Variants in SPMIP2 observed in about 807,000 individuals in gnomAD.
The protein encoded by SPMIP2 is sperm microtubule inner protein 2.
At chr4:159,082,449 C>CTCTGTG in the SPMIP2 span, among the ~76,000 whole-genome samples, 1,858 of 111,580 alleles carry the variant, frequency 0.017, 15 homozygotes, top group South Asian at 0.022. Context: ...CCACTTTTCT[C>CTCTGTG]TGTGTGTGTG....
At chr4:158,931,062 C>T in the SPMIP2 span, among the ~76,000 whole-genome samples, 93,727 of 151,886 alleles carry the variant, frequency 0.62, 29,906 homozygotes, top group East Asian at 0.88. Context: ...TGTTGGCACA[C>T]TTGATGGTGT....
chr4:159,058,116 C>A, the SPMIP2 span, among the ~76,000 whole-genome samples: 4 of 142,538 alleles, frequency 2.8e-5, no homozygotes, highest in East Asian at 8.2e-4. Context: ...GTGTAGATCT[C>A]CTAAAATGCT....
chr4:158,900,602 GTCTC>G, the SPMIP2 span, among the ~76,000 whole-genome samples: 1 of 152,100 alleles, frequency 6.6e-6, no homozygotes, highest in African/African-American at 2.4e-5. Flanking sequence ...GCCCTTCTTT[GTCTC>G]TTTGATCTTT....
chr4:158,895,962 C>A, the SPMIP2 span: 1 of 819,064 alleles, frequency 1.2e-6, no homozygotes, highest in Non-Finnish European at 2.0e-6. Context: ...AAACCTCAGG[C>A]CCTGGTAACC....
chr4:159,064,591 C>T, the SPMIP2 span, among the ~76,000 whole-genome samples: 7 of 152,094 alleles, frequency 4.6e-5, no homozygotes, highest in Non-Finnish European at 1.0e-4. Flanking sequence ...AAAGCATCAC[C>T]GTATTTCATG....
At chr4:158,896,819 A>T in the SPMIP2 span, among the ~76,000 whole-genome samples, 1 of 146,532 alleles carries the variant, frequency 6.8e-6, no homozygotes, top group Admixed American at 6.8e-5. Flanking sequence ...TACCAGCCTC[A>T]TACTTCAATC....
the SPMIP2 span, among the ~76,000 whole-genome samples, chr4:158,909,755 A>AT: frequency 6.6e-6 from 1 of 151,860 alleles, no homozygotes; most frequent in South Asian, 2.1e-4. Flanking sequence ...TTTAAAAAAA[A>AT]TTTGGGGCTG....
chr4:159,027,869 G>A, the SPMIP2 span, among the ~76,000 whole-genome samples: 2 of 152,004 alleles, frequency 1.3e-5, no homozygotes, highest in African/African-American at 2.4e-5. Flanking sequence ...TCATCATATC[G>A]TTTTTTGGCC....
chr4:159,066,280 T>C, the SPMIP2 span, among the ~76,000 whole-genome samples: 1 of 151,964 alleles, frequency 6.6e-6, no homozygotes, highest in Admixed American at 6.6e-5. Context: ...GGGACAAAAA[T>C]GAAGAGTGGT....
chr4:158,987,388 T>G, the SPMIP2 span, among the ~76,000 whole-genome samples: 3 of 151,964 alleles, frequency 2.0e-5, no homozygotes, highest in African/African-American at 7.3e-5. Context: ...AACCCAAATG[T>G]CCAACAATGA....
At chr4:158,976,334 G>T in the SPMIP2 span, among the ~76,000 whole-genome samples, 1 of 152,196 alleles carries the variant, frequency 6.6e-6, no homozygotes, top group African/African-American at 2.4e-5. Flanking sequence ...TTGAACAGGA[G>T]TGGTGAGAGA....
chr4:158,908,168 T>A, the SPMIP2 span: 2 of 152,206 alleles, frequency 1.3e-5, no homozygotes, highest in Admixed American at 1.3e-4. Context: ...AACCGGGGTG[T>A]TTTGGAAATG....
chr4:159,035,778 C>A, the SPMIP2 span, among the ~76,000 whole-genome samples: 1 of 152,194 alleles, frequency 6.6e-6, no homozygotes, highest in East Asian at 1.9e-4. Context: ...GCAAATATTT[C>A]TTGTCCTTTG....
the SPMIP2 span, among the ~76,000 whole-genome samples, chr4:158,953,600 C>T: frequency 6.6e-6 from 1 of 152,166 alleles, no homozygotes; most frequent in Non-Finnish European, 1.5e-5. Context: ...AACTGTCCTC[C>T]AGACCCCAGA....
the SPMIP2 span, among the ~76,000 whole-genome samples, chr4:159,071,713 T>G: frequency 6.6e-6 from 1 of 152,122 alleles, no homozygotes; most frequent in Non-Finnish European, 1.5e-5. Flanking sequence ...AAAGAATTCT[T>G]TTTTCCTGTT....
the SPMIP2 span, among the ~76,000 whole-genome samples, chr4:158,964,150 C>CACAAA: frequency 9.6e-4 from 76 of 79,440 alleles, no homozygotes; most frequent in African/African-American, 2.3e-3. Context: ...GTGAGACTAT[C>CACAAA]TCAAAACAAA....
At chr4:158,915,184 G>A in the SPMIP2 span, 36,305 of 1,604,012 alleles carry the variant, frequency 0.023, 485 homozygotes, top group Non-Finnish European at 0.028. Context: ...TCCTTTTTTG[G>A]TAGCTTCGGC....
the SPMIP2 span, chr4:158,904,652 A>C: frequency 7.4e-6 from 7 of 952,374 alleles, no homozygotes; most frequent in African/African-American, 1.2e-4. Flanking sequence ...GAGCAAACAG[A>C]AACAGTCATT....
chr4:159,061,437 G>A, the SPMIP2 span, among the ~76,000 whole-genome samples: 1 of 151,956 alleles, frequency 6.6e-6, no homozygotes, highest in Non-Finnish European at 1.5e-5. Flanking sequence ...TTCATGGTGG[G>A]TGGGAGACAC....
Sources: allele counts gnomAD v4.1 joint callset (sites outside exome capture counted in the v4.1 genomes callset), GRCh38; gene constraint gnomAD v4.1.1; transcripts MANE v1.5; gene names NCBI Gene and HGNC (gene_info 2026-07-23, HGNC 2026-07-21).